Variants in NRXN3 observed in about 807,000 individuals in gnomAD.
The protein encoded by NRXN3 is neurexin 3.
In NRXN3, 32 loss-of-function variants were observed where a neutral mutation model predicts 137.6. The observed-to-expected ratio is 0.23, with a 90% CI of 0.18 to 0.31. NRXN3 has a LOEUF of 0.31. NRXN3 is among the 10% of genes least tolerant of loss of function. The pLI is 1.00. For missense variants in NRXN3, 1,574 were observed against 2,062.5 expected, an observed-to-expected ratio of 0.76 and a Z score of 4.59; for synonymous variants, 798 against 784.5, an observed-to-expected ratio of 1.02 and a Z score of -0.29.
chr14:78,262,071 G>A (rs1402269954), intron 2 of NRXN3, among the ~76,000 whole-genome samples: 3 of 152,184 alleles, frequency 2.0e-5, no homozygotes, highest in Non-Finnish European at 4.4e-5. Context: ...TCAGGGAGGT[G>A]TTTCTGAGGA....
At chr14:78,555,423 ATTGT>A (rs919231538) in intron 4 of NRXN3, among the ~76,000 whole-genome samples, 1 of 152,176 alleles carries the variant, frequency 6.6e-6, no homozygotes, top group Non-Finnish European at 1.5e-5. Flanking sequence ...TTCTAGTTTA[ATTGT>A]TTGTTTATTT....
chr14:79,199,197 T>C (rs2065577334), intron 15 of NRXN3, among the ~76,000 whole-genome samples: 1 of 152,094 alleles, frequency 6.6e-6, no homozygotes, highest in Non-Finnish European at 1.5e-5. Flanking sequence ...TGGGACTTCT[T>C]TCTTTCCCTT....
chr14:78,581,429 T>G (rs2096995181), intron 4 of NRXN3, among the ~76,000 whole-genome samples: 1 of 152,160 alleles, frequency 6.6e-6, no homozygotes, highest in East Asian at 1.9e-4. Flanking sequence ...TACTGTGTCC[T>G]CACATAGCTG....
intron 15 of NRXN3, among the ~76,000 whole-genome samples, chr14:79,388,777 A>G (rs2094736203): frequency 6.6e-6 from 1 of 152,040 alleles, no homozygotes; most frequent in South Asian, 2.1e-4. Flanking sequence ...CCCCACTCCA[A>G]TCTTATCTTG....
rs767047705 is a variant in NRXN3 at position 78,371,453 on chromosome 14, C to T, written c.757+73593C>T. 3.9e-4 allele frequency among the ~76,000 whole-genome samples: 60 copies of T among 152,134 alleles called. 1 individual carries two copies. The highest frequency in any genetic ancestry group is 1.3e-4 in the Admixed American group (2 of 15,278). ...CCTCTGTTTTCATCACCTTTGAGAC[C>T]GTTTGTGTGACCTGATTCTTCCTGG... On this transcript the variant is annotated intron_variant, in intron 4 of 20. Transcript: ENST00000335750.
At chr14:78,693,016 G>A (rs1386161625) in intron 6 of NRXN3, among the ~76,000 whole-genome samples, 1 of 151,914 alleles carries the variant, frequency 6.6e-6, no homozygotes, top group Non-Finnish European at 1.5e-5. Context: ...TCAGGAGGTG[G>A]GGGTTGCAGT....
At chr14:79,779,572 C>T (rs12896909) in intron 19 of NRXN3, among the ~76,000 whole-genome samples, 1 of 152,136 alleles carries the variant, frequency 6.6e-6, no homozygotes, top group African/African-American at 2.4e-5. Context: ...GCAGCCACAT[C>T]CTCCACCACT....
Position 79,642,167 on chromosome 14 carries a change from TC to T in NRXN3, c.3445-21609del, listed in dbSNP as rs1245215993. Among the ~76,000 whole-genome samples the T allele has an allele frequency of 8.1e-5, 11 of 135,802 alleles. 2 individuals carry two copies. The highest frequency in any genetic ancestry group is 1.5e-4 in the Non-Finnish European group (9 of 58,374). 89.1% of individuals were successfully genotyped at this position (135,802 alleles called of 152,430 possible). ...TAGGATTCTCTGCATTTTGCCTGAC[TC>T]CTGCAGAGCACAGAGACCATTCTTG... On this transcript the variant is annotated intron_variant, in intron 16 of 20. Transcript: ENST00000335750.
intron 4 of NRXN3, among the ~76,000 whole-genome samples, chr14:78,441,219 A>G (rs2094234934): frequency 6.6e-6 from 1 of 152,278 alleles, no homozygotes; most frequent in African/African-American, 2.4e-5. Context: ...CCCCTGTGAC[A>G]TGGTGAGATG....
chr14:79,092,926 A>C (rs887069210), intron 15 of NRXN3, among the ~76,000 whole-genome samples: 3 of 152,144 alleles, frequency 2.0e-5, no homozygotes, highest in Admixed American at 6.6e-5. Context: ...TCTAACCCTG[A>C]GTACTGCTGG....
intron 1 of NRXN3, among the ~76,000 whole-genome samples, chr14:78,234,368 T>C (rs1188049096): frequency 6.6e-6 from 1 of 152,208 alleles, no homozygotes; most frequent in East Asian, 1.9e-4. Flanking sequence ...CTGAGCATTG[T>C]CCTAAGGGCT....
In NRXN3 at chr14:78,210,033, C is replaced by T. The variant is rs190681766; in HGVS notation, c.-703-32358C>T. On this transcript the variant is annotated intron_variant, in intron 1 of 20. Coordinates refer to ENST00000335750, the MANE Select transcript of NRXN3 (RefSeq NM_001330195.2). ...CCAGCACCTAGAACATTGCCTGACA[C>T]ATAATAAGTGCTTAATAAATATTTA... is the stretch of plus-strand genomic sequence containing the variant. 1.7e-3 allele frequency among the ~76,000 whole-genome samples: 255 copies of T among 152,320 alleles called. 1 individual carries two copies. Among genetic ancestry groups the T allele is most frequent in the South Asian group, 9.5e-3 (46 of 4,826 alleles).
intron 10 of NRXN3, among the ~76,000 whole-genome samples, chr14:78,855,782 A>G (rs551466175): frequency 2.0e-5 from 3 of 152,298 alleles, no homozygotes; most frequent in African/African-American, 7.2e-5. Context: ...CCTTCCTAGA[A>G]TATACAGATT....
intron 15 of NRXN3, among the ~76,000 whole-genome samples, chr14:79,035,820 G>T (rs1298025684): frequency 6.6e-6 from 1 of 152,054 alleles, no homozygotes; most frequent in African/African-American, 2.4e-5. Flanking sequence ...GATGTAAAAT[G>T]CATCCTTCTC....
intron 15 of NRXN3, among the ~76,000 whole-genome samples, chr14:79,246,334 C>T (rs960796680): frequency 2.6e-5 from 4 of 152,308 alleles, no homozygotes; most frequent in African/African-American, 7.2e-5. Flanking sequence ...TTTCCACATA[C>T]TTTCTTCCCT....
At chr14:79,392,748 G>C (rs1398167675) in intron 15 of NRXN3, among the ~76,000 whole-genome samples, 1 of 152,088 alleles carries the variant, frequency 6.6e-6, no homozygotes, top group Non-Finnish European at 1.5e-5. Flanking sequence ...GAGGCAGGCA[G>C]ATCATGAGGT....
chr14:79,599,581 A>G (rs2097900544), intron 16 of NRXN3, among the ~76,000 whole-genome samples: 1 of 152,218 alleles, frequency 6.6e-6, no homozygotes, highest in South Asian at 2.1e-4. Context: ...TTTACCTGAT[A>G]CCATCTATTT....
At chr14:78,904,708 C>G (rs2099209562) in intron 10 of NRXN3, among the ~76,000 whole-genome samples, 1 of 151,926 alleles carries the variant, frequency 6.6e-6, no homozygotes, top group South Asian at 2.1e-4. Flanking sequence ...CCCTCTGTGG[C>G]TTTGTCCTTT....
intron 15 of NRXN3, among the ~76,000 whole-genome samples, chr14:79,258,900 C>G (rs1358942551): frequency 6.6e-6 from 1 of 152,188 alleles, no homozygotes; most frequent in East Asian, 1.9e-4. Flanking sequence ...TTTGTCTTTT[C>G]CTTCAACTTC....
Sources: gnomAD v4.1 joint callset for allele counts (sites outside exome capture counted in the v4.1 genomes callset) on GRCh38, gnomAD v4.1.1 for gene constraint, MANE v1.5 for transcripts, NCBI Gene and HGNC (gene_info 2026-07-23, HGNC 2026-07-21) for gene names.